CCDC102B: variants seen among roughly 807,000 people sequenced by gnomAD.
The protein encoded by CCDC102B is coiled-coil domain-containing protein 102B.
CCDC102B carries 75 observed loss-of-function variants against 57.4 expected under a neutral mutation model. That is an observed-to-expected ratio of 1.31 (90% CI 1.08 to 1.58). The LOEUF is 1.58. CCDC102B is among the 40% of genes most tolerant of loss of function. The pLI is 0.00. For missense variants in CCDC102B, 636 were observed against 582.6 expected (o/e 1.09, Z -0.94); for synonymous variants, 206 against 201.9 (o/e 1.02, Z -0.17).
intron 5 of CCDC102B, among the ~76,000 whole-genome samples, chr18:68,880,866 G>T (rs1325919697): frequency 6.6e-6 from 1 of 152,132 alleles, no homozygotes; most frequent in South Asian, 2.1e-4. Flanking sequence ...TACCATATTG[G>T]TTTTTATTTT....
intron 1 of CCDC102B, among the ~76,000 whole-genome samples, chr18:68,836,248 G>C (rs2037361176): frequency 6.6e-6 from 1 of 152,090 alleles, no homozygotes; most frequent in South Asian, 2.1e-4. Flanking sequence ...TGGCAAAATT[G>C]AATACGAGCA....
At chr18:69,016,325 A>G (rs991978335) in intron 7 of CCDC102B, among the ~76,000 whole-genome samples, 2 of 152,162 alleles carry the variant, frequency 1.3e-5, no homozygotes, top group Non-Finnish European at 2.9e-5. Flanking sequence ...ACCTAAACTG[A>G]AATCACAAGG....
At chr18:68,895,070 A>G (rs1281474925) in intron 5 of CCDC102B, among the ~76,000 whole-genome samples, 1 of 151,774 alleles carries the variant, frequency 6.6e-6, no homozygotes, top group Non-Finnish European at 1.5e-5. Context: ...CAACTTTATC[A>G]TTTTTATTCT....
intron 2 of CCDC102B, chr18:68,838,446 T>A: frequency 1.0e-6 from 1 of 985,244 alleles, no homozygotes; most frequent in Non-Finnish European, 1.2e-6. Context: ...TTAGCTGCGA[T>A]TAGAAAAAGA....
intron 6 of CCDC102B, among the ~76,000 whole-genome samples, chr18:68,910,602 C>T (rs971960645): frequency 1.3e-5 from 2 of 152,180 alleles, no homozygotes; most frequent in African/African-American, 2.4e-5. Flanking sequence ...TGAGGACACA[C>T]AGCACATTTA....
chr18:68,887,619 T>TG (rs1369292996), intron 5 of CCDC102B, among the ~76,000 whole-genome samples: 1 of 152,202 alleles, frequency 6.6e-6, no homozygotes, highest in Non-Finnish European at 1.5e-5. Context: ...AACTCACACT[T>TG]GCTAAATATT....
Position 68,790,650 on chromosome 18 carries a change from C to A in CCDC102B, c.-66-32716C>A, listed in dbSNP as rs184513367. ...GGAAAGGGAACTCCCTGACCCCTTG[C>A]GCTTCCCAAGTGAGGCAATGCCTCG... is the stretch of plus-strand genomic sequence containing the variant. On this transcript the variant is annotated intron_variant, in intron 2 of 3. Transcript: ENST00000578970. 3.4e-3 allele frequency among the ~76,000 whole-genome samples: 524 copies of A among 152,246 alleles called. 7 individuals are homozygous for A. The highest frequency in any genetic ancestry group is 0.012 in the African/African-American group (497 of 41,560).
intron 6 of CCDC102B, among the ~76,000 whole-genome samples, chr18:68,921,374 G>C (rs1030391930): frequency 1.3e-5 from 2 of 152,180 alleles, no homozygotes; most frequent in African/African-American, 4.8e-5. Context: ...CTGATTAACT[G>C]TATGTCTATG....
At chr18:68,880,954 TTA>T (rs2039674529) in intron 5 of CCDC102B, among the ~76,000 whole-genome samples, 1 of 152,224 alleles carries the variant, frequency 6.6e-6, no homozygotes, top group South Asian at 2.1e-4. Flanking sequence ...TTCTGTGTAG[TTA>T]GCAATGACTC....
chr18:68,942,326 G>C (rs62095028), intron 6 of CCDC102B, among the ~76,000 whole-genome samples: 39,223 of 151,950 alleles, frequency 0.26, 6,493 homozygotes, highest in East Asian at 0.61. Flanking sequence ...TGGAAAGAGA[G>C]ACTTGAGAAA....
chr18:68,929,620 A>G (rs2041598312), intron 6 of CCDC102B, among the ~76,000 whole-genome samples: 2 of 152,050 alleles, frequency 1.3e-5, no homozygotes, highest in South Asian at 2.1e-4. Flanking sequence ...TAGTGTGTCC[A>G]GTCATTTCAG....
At chr18:68,802,269 T>C (rs2035882367) in intron 1 of CCDC102B, among the ~76,000 whole-genome samples, 1 of 152,166 alleles carries the variant, frequency 6.6e-6, no homozygotes, top group South Asian at 2.1e-4. Flanking sequence ...TCAAAGCAAC[T>C]ACGTAGAGTC....
At chr18:68,740,111 C>T (rs1448285841) in intron 2 of CCDC102B, among the ~76,000 whole-genome samples, 1 of 152,118 alleles carries the variant, frequency 6.6e-6, no homozygotes, top group Non-Finnish European at 1.5e-5. Context: ...GCGTCCTGTA[C>T]AGTTTAGGAT....
intron 6 of CCDC102B, among the ~76,000 whole-genome samples, chr18:68,960,826 T>C (rs2050027111): frequency 6.6e-6 from 1 of 152,160 alleles, no homozygotes; most frequent in African/African-American, 2.4e-5. Context: ...ACAATCACTG[T>C]ACCCTCTCTC....
At position 68,910,070 on chromosome 18, in the gene CCDC102B, T is replaced by A. The variant is rs368865782; in HGVS notation, c.1263+12642T>A. On this transcript the variant is annotated intron_variant, in intron 6 of 7. Transcript: ENST00000360242. ...TTTGGGAGGATGAGGAGGAGGATCA[T>A]TTGAGGCCCGGTCAAATCATTTGAC... 2.1e-4 allele frequency among the ~76,000 whole-genome samples: 32 copies of A among 152,222 alleles called. No individual in the cohort carries two copies. In the South Asian group the frequency reaches 5.4e-3, roughly 26 times the overall value.
At chr18:68,741,833 G>A (rs1270837643) in intron 2 of CCDC102B, among the ~76,000 whole-genome samples, 1 of 152,068 alleles carries the variant, frequency 6.6e-6, no homozygotes, top group Non-Finnish European at 1.5e-5. Context: ...TTGGGCCTGG[G>A]GTTTTTACTG....
At chr18:68,734,105 G>T (rs974064604) in intron 2 of CCDC102B, among the ~76,000 whole-genome samples, 2 of 152,178 alleles carry the variant, frequency 1.3e-5, no homozygotes, top group Non-Finnish European at 2.9e-5. Flanking sequence ...TCTTTGCAAA[G>T]AAACCCACAC....
chr18:68,965,227 G>A lies in CCDC102B; in HGVS notation c.1264-45707G>A, dbSNP rs1485291282. On this transcript the variant is annotated intron_variant, in intron 6 of 7. Transcript: ENST00000360242. ...TTTAGGCTAGTCCCACAGATCTCAGGAAGTCTGTTCATTTCTTTTCAGTCT... is the reference window on the plus strand; with the variant it reads ...TTTAGGCTAGTCCCACAGATCTCAGAAAGTCTGTTCATTTCTTTTCAGTCT... 2.0e-5 allele frequency among the ~76,000 whole-genome samples: 3 copies of A among 151,898 alleles called. No homozygotes were observed. The East Asian group carries it at 5.8e-4, about 29-fold the overall frequency.
intron 1 of CCDC102B, among the ~76,000 whole-genome samples, chr18:68,818,091 G>A (rs1369477884): frequency 2.0e-5 from 3 of 152,172 alleles, no homozygotes; most frequent in African/African-American, 4.8e-5. Context: ...TTACAACAAC[G>A]TATTGAGACT....
Sources: gnomAD v4.1 joint callset for allele counts (sites outside exome capture counted in the v4.1 genomes callset) on GRCh38, gnomAD v4.1.1 for gene constraint, MANE v1.5 for transcripts, NCBI Gene and HGNC (gene_info 2026-07-23, HGNC 2026-07-21) for gene names.